Variants in CDYL observed in about 807,000 individuals in gnomAD.
CDYL encodes the protein chromodomain Y like.
A neutral mutation model predicts 47.3 loss-of-function variants in CDYL; 8 were observed. The ratio of observed to expected loss-of-function variants is 0.17; its 90% CI spans 0.10 to 0.31. The LOEUF (loss-of-function observed/expected upper bound fraction) is 0.31, where lower values mean the gene tolerates loss of function less well. Ranked by LOEUF, CDYL falls within the 10% of genes least tolerant of loss-of-function variation. CDYL has a pLI of 1.00. For missense variants in CDYL, 471 were observed against 701.4 expected (o/e 0.67, Z 3.71); for synonymous variants, 266 against 265.0 (o/e 1.00, Z -0.04).
rs150636005 is a variant in CDYL, at chr6:4,932,075, C to A, written c.692-3440C>A. Among the ~76,000 whole-genome samples the A allele has an allele frequency of 2.8e-3, 430 of 152,236 alleles. 2 individuals carry two copies. Among genetic ancestry groups the A allele is most frequent in the African/African-American group, 7.7e-3 (319 of 41,534 alleles). On this transcript the variant is annotated intron_variant, in intron 2 of 6. Coordinates refer to ENST00000397588, the MANE Select transcript of CDYL (RefSeq NM_004824.4). The stretch of plus-strand genomic sequence containing the variant: ...ACCTTTACGTAGAGAAAGGAAAGAC[C>A]CAGTGAAAGCAAGAGCATTCCAGAG...
intron 2 of CDYL, among the ~76,000 whole-genome samples, chr6:4,894,387 G>C (rs1762136258): frequency 6.6e-6 from 1 of 152,132 alleles, no homozygotes; most frequent in Non-Finnish European, 1.5e-5. Flanking sequence ...CCGTGGGCTT[G>C]GCCCTGCCCT....
chr6:4,953,637 C>G (rs570780642), intron 6 of CDYL, among the ~76,000 whole-genome samples: 21 of 152,170 alleles, frequency 1.4e-4, no homozygotes, highest in Non-Finnish European at 2.6e-4. Flanking sequence ...GGCGCGGGGC[C>G]GAGGCTGCTC....
At chr6:4,884,312 G>A (rs566533655) in intron 1 of CDYL, among the ~76,000 whole-genome samples, 9 of 152,274 alleles carry the variant, frequency 5.9e-5, no homozygotes, top group African/African-American at 2.2e-4. Flanking sequence ...CCAGGATGCC[G>A]GGAAGCATGG....
chr6:4,715,896 G>A, intron 2 of CDYL: 3 of 1,611,316 alleles, frequency 1.9e-6, no homozygotes, highest in Non-Finnish European at 2.5e-6. Flanking sequence ...GAACTTGCAG[G>A]AATCAAATTA....
At chr6:4,706,512 G>A (rs1757049860) in intron 1 of CDYL, among the ~76,000 whole-genome samples, 1 of 151,980 alleles carries the variant, frequency 6.6e-6, no homozygotes, top group African/African-American at 2.4e-5. Flanking sequence ...CTACAATTAG[G>A]CCGGGTATGG....
At chr6:4,796,365 G>A (rs1581172118) in intron 1 of CDYL, among the ~76,000 whole-genome samples, 2 of 152,030 alleles carry the variant, frequency 1.3e-5, no homozygotes, top group South Asian at 4.1e-4. Context: ...TTTTTCTTGT[G>A]ATTTTATAAA....
chr6:4,717,542 T>A (rs1029217798), intron 2 of CDYL, among the ~76,000 whole-genome samples: 2 of 150,700 alleles, frequency 1.3e-5, no homozygotes, highest in African/African-American at 2.4e-5. Flanking sequence ...AAAAAAAAAA[T>A]TAAAAATTAG....
chr6:4,876,879 T>C (rs1561682585), intron 1 of CDYL, among the ~76,000 whole-genome samples: 1 of 152,324 alleles, frequency 6.6e-6, no homozygotes, highest in East Asian at 1.9e-4. Context: ...AAAATTCATA[T>C]CTTGACACTT....
chr6:4,794,301 G>GC (rs991925157), intron 1 of CDYL, among the ~76,000 whole-genome samples: 17 of 152,104 alleles, frequency 1.1e-4, no homozygotes, highest in Non-Finnish European at 1.5e-5. Context: ...GAGGGAACGA[G>GC]CCCCACTGTG....
At chr6:4,753,938 T>C (rs1001919484) in intron 3 of CDYL, among the ~76,000 whole-genome samples, 4 of 152,192 alleles carry the variant, frequency 2.6e-5, no homozygotes, top group African/African-American at 9.7e-5. Flanking sequence ...TCTTACCCCC[T>C]TTTTCCCTTT....
At chr6:4,922,983 A>G (rs1319225875) in intron 2 of CDYL, among the ~76,000 whole-genome samples, 2 of 152,182 alleles carry the variant, frequency 1.3e-5, no homozygotes, top group African/African-American at 4.8e-5. Flanking sequence ...ACTTATGTAC[A>G]TATTACAATT....
At chr6:4,767,541 C>T (rs534351226) in intron 3 of CDYL, among the ~76,000 whole-genome samples, 1 of 151,942 alleles carries the variant, frequency 6.6e-6, no homozygotes, top group East Asian at 1.9e-4. Context: ...CCACTGCACT[C>T]CAGCCTGGGT....
Position 4,853,620 on chromosome 6 carries a change from G to T in CDYL, c.25-38093G>T, listed in dbSNP as rs1760916827. ...GCTTCAGGTGCTGGTTTTTCTTTTA[G>T]ATTACTGCATCGAGTCCCTGTCTCC... On this transcript the variant is annotated intron_variant, in intron 1 of 6. Transcript: ENST00000397588. Among the ~76,000 whole-genome samples, 2 of 152,126 alleles carry T rather than the reference G, an allele frequency of 1.3e-5. 1 individual carries two copies. Among genetic ancestry groups the T allele is most frequent in the African/African-American group, 4.8e-5 (2 of 41,418 alleles).
chr6:4,875,981 G>A (rs1435253646), intron 1 of CDYL, among the ~76,000 whole-genome samples: 6 of 152,100 alleles, frequency 3.9e-5, no homozygotes, highest in Admixed American at 6.5e-5. Context: ...TCCTAACAAT[G>A]AAATGTGCTG....
At chr6:4,904,357 A>G (rs1757163513) in intron 2 of CDYL, among the ~76,000 whole-genome samples, 1 of 152,278 alleles carries the variant, frequency 6.6e-6, no homozygotes, top group Non-Finnish European at 1.5e-5. Flanking sequence ...CTCTCAGTCT[A>G]GGATCATAAA....
rs1277647244 is a variant in CDYL at position 4,955,506 on chromosome 6, G to C, written c.*1450G>C. 2 of 152,616 alleles carry C rather than the reference G, an allele frequency of 1.3e-5. No homozygotes were observed. The highest frequency in any genetic ancestry group is 1.3e-4 in the Admixed American group (2 of 15,280). The allele number at this position is 152,616 out of a possible 1,614,324, so 9.5% of individuals were successfully genotyped here. A position where few individuals can be genotyped will look rare whatever the true frequency, so the allele number is the denominator to read the frequency against. ...GTTTTTATAGAATAAATATTCAGCT[G>C]TGAAAACTGGTTAAATAAAACTAAT... On this transcript the variant is annotated 3_prime_UTR_variant, in exon 7 of 7. Transcript: ENST00000397588.
At chr6:4,909,724 C>G (rs1036610576) in intron 2 of CDYL, among the ~76,000 whole-genome samples, 1 of 152,046 alleles carries the variant, frequency 6.6e-6, no homozygotes, top group African/African-American at 2.4e-5. Context: ...GCTCCCACCA[C>G]CACGCCTGGC....
chr6:4,888,537 A>G (rs1761957726), intron 1 of CDYL, among the ~76,000 whole-genome samples: 1 of 152,178 alleles, frequency 6.6e-6, no homozygotes, highest in Admixed American at 6.5e-5. Flanking sequence ...TTTCTTAATC[A>G]AAATAAGTAA....
intron 3 of CDYL, among the ~76,000 whole-genome samples, chr6:4,744,130 A>T (rs1757844827): frequency 1.3e-5 from 2 of 152,152 alleles, no homozygotes; most frequent in Admixed American, 6.5e-5. Context: ...CGAAGGTCAG[A>T]TGGGAGTTGG....
Sources: gnomAD v4.1 joint callset for allele counts (sites outside exome capture counted in the v4.1 genomes callset) on GRCh38, gnomAD v4.1.1 for gene constraint, MANE v1.5 for transcripts, NCBI Gene and HGNC (gene_info 2026-07-23, HGNC 2026-07-21) for gene names.